ZNF536: variants seen among roughly 807,000 people sequenced by gnomAD.
The protein encoded by ZNF536 is zinc finger protein 536.
A neutral mutation model predicts 84.5 loss-of-function variants in ZNF536; 13 were observed. That is an observed-to-expected ratio of 0.15 (90% confidence interval 0.10 to 0.24). The LOEUF (loss-of-function observed/expected upper bound fraction) is 0.24. Ranked by LOEUF, ZNF536 falls within the 10% of genes least tolerant of loss-of-function variation. ZNF536 has a pLI of 1.00. For synonymous variants in ZNF536, 811 were observed against 742.5 expected (o/e 1.09, Z -1.50); for missense variants, 1,536 against 1,747.5 (o/e 0.88, Z 2.16).
intron 1 of ZNF536, among the ~76,000 whole-genome samples, chr19:30,620,677 T>C (rs1328195395): frequency 6.6e-6 from 1 of 152,218 alleles, no homozygotes; most frequent in African/African-American, 2.4e-5. Flanking sequence ...GTCAACTCAT[T>C]GGACAGGGTA....
intron 2 of ZNF536, among the ~76,000 whole-genome samples, chr19:30,470,433 G>A (rs1286513490): frequency 6.7e-6 from 1 of 149,284 alleles, no homozygotes; most frequent in African/African-American, 2.5e-5. Context: ...AATGTCCTTT[G>A]GTCTAGGATC....
At position 30,602,859 on chromosome 19, in the gene ZNF536, A is replaced by C. The variant is rs532553270; in HGVS notation, c.169+53345A>C. 5.3e-5 allele frequency among the ~76,000 whole-genome samples: 8 copies of C among 152,274 alleles called. No individual in the cohort carries two copies. The South Asian group carries it at 1.7e-3, about 32-fold the overall frequency. Reference sequence around the variant, plus strand: ...GCGGCTGGCTGGGTACTCTTGAGAGACCTTAATCCTGCCTTTGAAAAGCTG... The same window carrying C: ...GCGGCTGGCTGGGTACTCTTGAGAGCCCTTAATCCTGCCTTTGAAAAGCTG... On this transcript the variant is annotated intron_variant, in intron 1 of 1. Coordinates refer to the ZNF536 transcript ENST00000592773.
At chr19:30,292,124 C>T (rs1416119670) in intron 2 of ZNF536, among the ~76,000 whole-genome samples, 1 of 152,056 alleles carries the variant, frequency 6.6e-6, no homozygotes, top group African/African-American at 2.4e-5. Context: ...GTGTTATATG[C>T]TTTATCTGTT....
intron 1 of ZNF536, among the ~76,000 whole-genome samples, chr19:30,431,519 T>G (rs2051458973): frequency 2.0e-5 from 3 of 152,214 alleles, no homozygotes; most frequent in South Asian, 4.1e-4. Flanking sequence ...CTGGGCCGAC[T>G]TCTATAAATA....
chr19:30,464,372 G>A (rs3786809), intron 2 of ZNF536, among the ~76,000 whole-genome samples: 64,899 of 151,966 alleles, frequency 0.43, 16,450 homozygotes, highest in African/African-American at 0.69. Flanking sequence ...GGGCCCTCGA[G>A]GGGTAAAGGT....
At chr19:30,677,675 A>G (rs766548144) in intron 1 of ZNF536, among the ~76,000 whole-genome samples, 3 of 152,216 alleles carry the variant, frequency 2.0e-5, no homozygotes, top group African/African-American at 4.8e-5. Context: ...TTTGTGAATT[A>G]TATGTAATTG....
At chr19:30,358,916 C>A (rs896382215) in intron 3 of ZNF536, among the ~76,000 whole-genome samples, 1 of 152,214 alleles carries the variant, frequency 6.6e-6, no homozygotes, top group Non-Finnish European at 1.5e-5. Flanking sequence ...GTGACCTGGG[C>A]AGGTCTCTTC....
chr19:30,700,884 G>A (rs2051915996), intron 1 of ZNF536, among the ~76,000 whole-genome samples: 1 of 152,174 alleles, frequency 6.6e-6, no homozygotes, highest in Non-Finnish European at 1.5e-5. Flanking sequence ...AGGCGGCGCT[G>A]GTTGTGCAGC....
Position 30,549,284 on chromosome 19 carries a change from T to C in ZNF536, c.3665T>C (p.Val1222Ala). Residue 1222 changes from valine (V) to alanine (A), a missense_variant, in exon 4 of 5, where the codon GTC becomes GCC. Val to Ala is a moderately conservative substitution (Grantham distance 64). Coordinates refer to ENST00000355537, the MANE Select transcript of ZNF536 (RefSeq NM_014717.3). ...ACCTCCCAGCCCGTCCAGGGACTGG[T>C]CTCACCTTTATCCCAAGCACCGGAG... ...TGTSQPVQGL[V>A]SPLSQAPEKQ... The C allele has an allele frequency of 3.7e-6, 6 of 1,613,700 alleles. No homozygotes were observed. The highest frequency in any genetic ancestry group is 1.7e-6 in the Non-Finnish European group (2 of 1,180,010).
chr19:30,583,673 G>T (rs897753346), intron 1 of ZNF536, among the ~76,000 whole-genome samples: 1 of 152,150 alleles, frequency 6.6e-6, no homozygotes, highest in Admixed American at 6.5e-5. Flanking sequence ...ACCCTTGAAG[G>T]GGCTGTAGTC....
At chr19:30,403,447 G>A (rs1206672570) in intron 1 of ZNF536, among the ~76,000 whole-genome samples, 3 of 152,186 alleles carry the variant, frequency 2.0e-5, no homozygotes, top group Non-Finnish European at 2.9e-5. Flanking sequence ...TTCTTAAGCA[G>A]AGGAAACTGT....
chr19:30,593,617 C>A (rs1568584029), intron 1 of ZNF536, among the ~76,000 whole-genome samples: 2 of 152,228 alleles, frequency 1.3e-5, no homozygotes, highest in African/African-American at 4.8e-5. Flanking sequence ...TTGGCTCTGA[C>A]CCCACCTGGC....
intron 1 of ZNF536, among the ~76,000 whole-genome samples, chr19:30,409,024 A>G (rs942932707): frequency 5.3e-5 from 8 of 150,792 alleles, no homozygotes; most frequent in Non-Finnish European, 8.8e-5. Context: ...CCATCCATCC[A>G]TCCATCCATC....
chr19:30,653,878 G>A (rs1267934416), intron 1 of ZNF536, among the ~76,000 whole-genome samples: 1 of 152,198 alleles, frequency 6.6e-6, no homozygotes, highest in Non-Finnish European at 1.5e-5. Context: ...TGCAATGGTG[G>A]AGGCTGCGTG....
chr19:30,392,833 G>C (rs1449045562), intron 1 of ZNF536, among the ~76,000 whole-genome samples: 1 of 152,148 alleles, frequency 6.6e-6, no homozygotes, highest in Non-Finnish European at 1.5e-5. Context: ...TTAGTGCATA[G>C]TTAGATCAAA....
intron 1 of ZNF536, among the ~76,000 whole-genome samples, chr19:30,673,977 C>G (rs576991760): frequency 1.8e-4 from 27 of 152,170 alleles, no homozygotes; most frequent in Admixed American, 1.7e-3. Flanking sequence ...CACTTGGGTT[C>G]CATCAGCTGT....
rs1820827970 is a variant in ZNF536, at chr19:30,311,657, C to T, written c.-120+27516C>T. ...CTTCCCCCACCCCCACTCTCTCATT[C>T]CCCAGCCTGATACCTGCCCAACTTA... is the stretch of plus-strand genomic sequence containing the variant. On this transcript the variant is annotated intron_variant, in intron 2 of 5. Transcript: ENST00000585628. Among the ~76,000 whole-genome samples the T allele has an allele frequency of 2.0e-5, 3 of 152,256 alleles. No individual in the cohort carries two copies. In the South Asian group the frequency reaches 6.2e-4, roughly 32 times the overall value.
chr19:30,432,314 G>A (rs895113735), intron 1 of ZNF536, among the ~76,000 whole-genome samples: 1 of 152,098 alleles, frequency 6.6e-6, no homozygotes, highest in South Asian at 2.1e-4. Flanking sequence ...AGGACCAGGG[G>A]GCTTGGAGGA....
intron 1 of ZNF536, among the ~76,000 whole-genome samples, chr19:30,662,283 G>T (rs1454531097): frequency 6.6e-6 from 1 of 152,198 alleles, no homozygotes; most frequent in East Asian, 1.9e-4. Flanking sequence ...CTTAATGCAG[G>T]AGCACTTTAG....
Sources: gnomAD v4.1 joint callset for allele counts (sites outside exome capture counted in the v4.1 genomes callset) on GRCh38, gnomAD v4.1.1 for gene constraint, MANE v1.5 for transcripts, NCBI Gene and HGNC (gene_info 2026-07-23, HGNC 2026-07-21) for gene names.